The following ZBTB20 variants were observed in gnomAD, a reference collection of about 807,000 sequenced individuals.
ZBTB20 encodes the protein zinc finger and BTB domain-containing protein 20.
In ZBTB20, 9 loss-of-function variants were observed where a neutral mutation model predicts 56.9. That is an observed-to-expected ratio of 0.16 (90% confidence interval 0.10 to 0.28). The LOEUF (loss-of-function observed/expected upper bound fraction) is 0.28. ZBTB20 is among the 10% of genes least tolerant of loss of function. ZBTB20 has a pLI of 1.00. For missense variants in ZBTB20, 655 were observed against 1,003.0 expected (o/e 0.65, Z 4.69); for synonymous variants, 417 against 420.7 (o/e 0.99, Z 0.11).
At chr3:114,964,768 T>C (rs1434888886) in intron 3 of ZBTB20, among the ~76,000 whole-genome samples, 5 of 152,082 alleles carry the variant, frequency 3.3e-5, no homozygotes. Flanking sequence ...GAATTAAGAA[T>C]TTTCAATGTC....
At chr3:114,602,732 T>C (rs919476678) in intron 6 of ZBTB20, among the ~76,000 whole-genome samples, 3 of 151,976 alleles carry the variant, frequency 2.0e-5, no homozygotes, top group Admixed American at 1.3e-4. Flanking sequence ...TTAACTGGTA[T>C]ATGGGGGAAA....
intron 7 of ZBTB20, among the ~76,000 whole-genome samples, chr3:114,435,999 T>A (rs1384555405): frequency 6.6e-6 from 1 of 152,116 alleles, no homozygotes; most frequent in Non-Finnish European, 1.5e-5. Context: ...GTGTTTGAAG[T>A]TCACCCTTTT....
At chr3:115,081,831 C>G (rs1036428456) in intron 1 of ZBTB20, among the ~76,000 whole-genome samples, 1 of 152,096 alleles carries the variant, frequency 6.6e-6, no homozygotes, top group Non-Finnish European at 1.5e-5. Context: ...TGCTACATTT[C>G]CAAATAAACA....
At chr3:115,049,523 C>T (rs985450871) in intron 2 of ZBTB20, among the ~76,000 whole-genome samples, 2 of 152,064 alleles carry the variant, frequency 1.3e-5, no homozygotes, top group African/African-American at 4.8e-5. Flanking sequence ...ACCTTATATA[C>T]GTAGCCTTAA....
intron 1 of ZBTB20, among the ~76,000 whole-genome samples, chr3:115,143,737 A>T (rs1291534603): frequency 6.6e-6 from 1 of 152,234 alleles, no homozygotes; most frequent in Non-Finnish European, 1.5e-5. Context: ...AATCATGAAA[A>T]AAATCCCTAT....
chr3:114,865,005 TC>T (rs1362399824), intron 4 of ZBTB20, among the ~76,000 whole-genome samples: 1 of 152,064 alleles, frequency 6.6e-6, no homozygotes, highest in African/African-American at 2.4e-5. Context: ...GGAGTTTTCC[TC>T]CCATAAGCAA....
At chr3:114,758,278 T>C (rs2068161379) in intron 5 of ZBTB20, among the ~76,000 whole-genome samples, 1 of 152,168 alleles carries the variant, frequency 6.6e-6, no homozygotes, top group African/African-American at 2.4e-5. Flanking sequence ...AATTTATTCC[T>C]GAAAGACCTC....
intron 7 of ZBTB20, among the ~76,000 whole-genome samples, chr3:114,491,469 T>A (rs2042746969): frequency 6.6e-6 from 1 of 152,206 alleles, no homozygotes; most frequent in African/African-American, 2.4e-5. Context: ...TCAGTGCCCA[T>A]CACTTGGGAA....
At chr3:115,069,602 T>A (rs1478027492) in intron 2 of ZBTB20, among the ~76,000 whole-genome samples, 1 of 152,138 alleles carries the variant, frequency 6.6e-6, no homozygotes, top group Non-Finnish European at 1.5e-5. Context: ...GAAAAAAAGG[T>A]AGGTTGGAGG....
intron 6 of ZBTB20, among the ~76,000 whole-genome samples, chr3:114,503,344 T>C (rs1236428051): frequency 6.6e-6 from 1 of 152,208 alleles, no homozygotes; most frequent in African/African-American, 2.4e-5. Context: ...CTTAATAGTA[T>C]GGCTAAAAAT....
chr3:114,393,363 T>C (rs777771509), intron 7 of ZBTB20, among the ~76,000 whole-genome samples: 15 of 152,250 alleles, frequency 9.9e-5, no homozygotes, highest in Non-Finnish European at 1.9e-4. Context: ...TAAATGTACA[T>C]TTTAAATATA....
intron 6 of ZBTB20, among the ~76,000 whole-genome samples, chr3:114,609,940 G>A (rs1447726772): frequency 6.6e-6 from 1 of 152,184 alleles, no homozygotes; most frequent in Non-Finnish European, 1.5e-5. Context: ...ACATTTGCAA[G>A]GTCTGTTTAA....
intron 6 of ZBTB20, among the ~76,000 whole-genome samples, chr3:114,547,228 T>C (rs1038435731): frequency 6.6e-6 from 1 of 151,972 alleles, no homozygotes; most frequent in African/African-American, 2.4e-5. Flanking sequence ...CAGTATAAAA[T>C]CCAAGGCCAA....
At chr3:114,620,886 A>G (rs2058275581) in intron 6 of ZBTB20, among the ~76,000 whole-genome samples, 1 of 152,228 alleles carries the variant, frequency 6.6e-6, no homozygotes, top group African/African-American at 2.4e-5. Context: ...AACTTCAGAG[A>G]AAAAGTGTGA....
intron 6 of ZBTB20, among the ~76,000 whole-genome samples, chr3:114,590,631 A>T (rs1039540914): frequency 1.8e-4 from 28 of 152,082 alleles, no homozygotes; most frequent in Admixed American, 6.5e-4. Flanking sequence ...TGGTAATTTA[A>T]GAGTGATCCT....
chr3:114,598,109 C>A (rs545107566), intron 6 of ZBTB20, among the ~76,000 whole-genome samples: 1 of 152,194 alleles, frequency 6.6e-6, no homozygotes, highest in Non-Finnish European at 1.5e-5. Flanking sequence ...AGACATTATC[C>A]ACTTTGCCTG....
chr3:114,894,877 T>G (rs778160491), intron 4 of ZBTB20, among the ~76,000 whole-genome samples: 2 of 152,192 alleles, frequency 1.3e-5, no homozygotes, highest in African/African-American at 4.8e-5. Context: ...ATCATCAATA[T>G]TTACCTTGAT....
At chr3:115,063,715 T>C (rs1184448716) in intron 2 of ZBTB20, among the ~76,000 whole-genome samples, 4 of 151,648 alleles carry the variant, frequency 2.6e-5, no homozygotes. Context: ...AGTTAAATAG[T>C]ACCACAAAGT....
chr3:114,620,472 A>G (rs1016421229), intron 6 of ZBTB20, among the ~76,000 whole-genome samples: 10 of 151,978 alleles, frequency 6.6e-5, no homozygotes, highest in Non-Finnish European at 1.5e-4. Flanking sequence ...TTGTATTTTT[A>G]GTAGAGAGGG....
Sources: allele counts gnomAD v4.1 joint callset (sites outside exome capture counted in the v4.1 genomes callset), GRCh38; gene constraint gnomAD v4.1.1; transcripts MANE v1.5; gene names NCBI Gene and HGNC (gene_info 2026-07-23, HGNC 2026-07-21).